The following SNX27 variants were observed in gnomAD, a reference collection of about 807,000 sequenced individuals.
SNX27 encodes sorting nexin 27, also known as sorting nexin-27.
Under a neutral mutation model 71.6 loss-of-function variants are expected in SNX27, and 22 were observed. The observed-to-expected ratio is 0.31, with a 90% CI of 0.22 to 0.44. The LOEUF (loss-of-function observed/expected upper bound fraction) is 0.44, where lower values mean the gene tolerates loss of function less well. SNX27 is among the 20% of genes least tolerant of loss of function. The probability of loss-of-function intolerance (pLI) is 1.00; values close to 1 mark genes in which losing one functional copy is unlikely to be tolerated. For missense variants in SNX27, 531 were observed against 698.6 expected, an observed-to-expected ratio of 0.76 and a Z score of 2.70; for synonymous variants, 269 against 277.2, an observed-to-expected ratio of 0.97 and a Z score of 0.29.
chr1:151,672,030 T>A (rs759757288), intron 7 of SNX27, among the ~76,000 whole-genome samples: 2 of 152,206 alleles, frequency 1.3e-5, no homozygotes, highest in Non-Finnish European at 2.9e-5. Context: ...CTGGGACTTC[T>A]AGTACTATGT....
chr1:151,666,379 T>G (rs1209034994), intron 6 of SNX27: 2 of 163,340 alleles, frequency 1.2e-5, no homozygotes, highest in Non-Finnish European at 2.6e-5. Flanking sequence ...TAAGCGTAGC[T>G]TTCTGTTTTC....
chr1:151,612,561 C>T lies in SNX27; in HGVS notation c.311+49C>T, dbSNP rs1207724380. 8 of 1,247,376 alleles carry T rather than the reference C, an allele frequency of 6.4e-6. No homozygotes were observed. The highest frequency in any genetic ancestry group is 3.2e-5 in the East Asian group (1 of 31,430). The allele number at this position is 1,247,376 out of a possible 1,614,324, so 77.3% of individuals were successfully genotyped here. ...CCCCATCCTCCCCGCGCCCCTCCTG[C>T]CCCTGCACTCCTCGCTACCCTTGTC... On this transcript the variant is annotated intron_variant, in intron 1 of 11. Coordinates refer to ENST00000458013, the MANE Select transcript of SNX27 (RefSeq NM_001330723.2). This position sits in a 1 kb window ranked among gnomAD's most constrained non-coding sequence, Gnocchi z 5.2.
At chr1:151,651,887 G>A (rs1408081501) in intron 2 of SNX27, among the ~76,000 whole-genome samples, 2 of 151,914 alleles carry the variant, frequency 1.3e-5, no homozygotes, top group Admixed American at 6.5e-5. Context: ...CCGAGATCAC[G>A]CCACTGCACT....
At chr1:151,654,881 C>G (rs958665304) in intron 2 of SNX27, among the ~76,000 whole-genome samples, 1 of 152,164 alleles carries the variant, frequency 6.6e-6, no homozygotes, top group Non-Finnish European at 1.5e-5. Context: ...TAATACACTT[C>G]GTAATCCCAC....
chr1:151,636,092 G>A (rs956285643), intron 1 of SNX27, among the ~76,000 whole-genome samples: 7 of 151,976 alleles, frequency 4.6e-5, no homozygotes, highest in Non-Finnish European at 8.8e-5. Flanking sequence ...CGCATAATAG[G>A]CACATAAAAA....
chr1:151,680,755 G>T (rs569033578), intron 7 of SNX27, among the ~76,000 whole-genome samples: 1 of 152,298 alleles, frequency 6.6e-6, no homozygotes, highest in Admixed American at 6.5e-5. Flanking sequence ...TTGGAAACTG[G>T]ATAGACCAGT....
chr1:151,643,264 TTTTATTTATTTATTTATTTATTTATTTA>T (rs201505831), intron 2 of SNX27, among the ~76,000 whole-genome samples: 1 of 139,192 alleles, frequency 7.2e-6, no homozygotes, highest in African/African-American at 2.7e-5. Context: ...ACGCCTGGCC[TTTTATTTATTTATTTATTTATTTATTTA>T]TTTATTTATT....
chr1:151,692,297 T>G, intron 8 of SNX27, 138 bp from the exon 9 acceptor site: 1 of 1,117,830 alleles, frequency 8.9e-7, no homozygotes, highest in Non-Finnish European at 1.2e-6. Flanking sequence ...AGAGGCCAGG[T>G]CTTCAGGTTG....
At chr1:151,615,293 C>T (rs1005839471) in intron 1 of SNX27, among the ~76,000 whole-genome samples, 3 of 152,106 alleles carry the variant, frequency 2.0e-5, no homozygotes, top group Admixed American at 2.0e-4. Context: ...ATGATAATTA[C>T]AGCCCAAAGC....
At chr1:151,668,825 G>C (rs1380476843) in intron 7 of SNX27, among the ~76,000 whole-genome samples, 190 bp downstream of exon 7, 1 of 152,036 alleles carries the variant, frequency 6.6e-6, no homozygotes, top group Non-Finnish European at 1.5e-5. Flanking sequence ...AGATATCCTG[G>C]AGTTTAAAAA....
intron 1 of SNX27, among the ~76,000 whole-genome samples, chr1:151,632,810 C>A (rs187842532): frequency 7.4e-4 from 113 of 152,066 alleles, no homozygotes; most frequent in African/African-American, 2.7e-3. Flanking sequence ...ATGGTGGACT[C>A]CTATTTCACA....
In SNX27 at chr1:151,691,860, T is replaced by G. The variant is rs1027830281; in HGVS notation, c.1240-575T>G. On this transcript the variant is annotated intron_variant, in intron 8 of 11. Coordinates refer to ENST00000458013, the MANE Select transcript of SNX27 (RefSeq NM_001330723.2). ...AAGGAGGGTTAGAAGTATGAAGGTG[T>G]TGTTTCCTTACTTATGGCAAAAAAA... 4.6e-5 allele frequency among the ~76,000 whole-genome samples: 7 copies of G among 151,732 alleles called. No individual in the cohort carries two copies. The South Asian group carries it at 6.3e-4, about 14-fold the overall frequency.
intron 4 of SNX27, among the ~76,000 whole-genome samples, chr1:151,661,904 CTG>C (rs1253201017): frequency 1.3e-5 from 2 of 152,206 alleles, no homozygotes; most frequent in African/African-American, 4.8e-5. Flanking sequence ...TTGACCTAGA[CTG>C]TTTCACGCAA....
rs147899850 is a variant in SNX27, at chr1:151,622,589, A to G, written c.311+10077A>G. Among the ~76,000 whole-genome samples the G allele has an allele frequency of 5.9e-5, 9 of 152,308 alleles. No individual in the cohort carries two copies. In the East Asian group the frequency reaches 1.3e-3, roughly 23 times the overall value. On this transcript the variant is annotated intron_variant, in intron 1 of 11. Transcript: ENST00000458013. ...ACTGTGGTCAGTATACCAAGTTAAA[A>G]TCATCTGGGGGTAGCATTTAAATTG...
chr1:151,693,846 G>T, intron 11 of SNX27: 1 of 1,431,114 alleles, frequency 7.0e-7, no homozygotes, highest in South Asian at 1.5e-5. Context: ...GTCTTGACTG[G>T]ATGAGTCCTG....
intron 4 of SNX27, 120 bp from the exon 5 acceptor site, chr1:151,662,043 TCCC>T: frequency 1.6e-6 from 1 of 609,386 alleles, no homozygotes; most frequent in Non-Finnish European, 2.9e-6. Flanking sequence ...TTGATTTTTT[TCCC>T]GTTTTCATTG....
At chr1:151,678,569 G>A (rs1404476854) in intron 7 of SNX27, 1 of 152,130 alleles carries the variant, frequency 6.6e-6, no homozygotes, top group Non-Finnish European at 1.5e-5. Flanking sequence ...ACATGGGTGT[G>A]CAGATATCTT....
chr1:151,674,101 T>G (rs1263935667), intron 7 of SNX27, among the ~76,000 whole-genome samples: 2 of 152,280 alleles, frequency 1.3e-5, no homozygotes, highest in East Asian at 1.9e-4. Context: ...ATGGTCGTTT[T>G]GTGATCATCT....
At chr1:151,631,303 T>G (rs1668222929) in intron 1 of SNX27, among the ~76,000 whole-genome samples, 1 of 152,114 alleles carries the variant, frequency 6.6e-6, no homozygotes, top group Non-Finnish European at 1.5e-5. Context: ...ACTTCAGAGA[T>G]CTCCTAATTT....
Sources: allele counts gnomAD v4.1 joint callset (sites outside exome capture counted in the v4.1 genomes callset), GRCh38; gene constraint gnomAD v4.1.1; non-coding constraint Gnocchi (gnomAD v3.1); transcripts MANE v1.5; gene names NCBI Gene and HGNC (gene_info 2026-07-23, HGNC 2026-07-21).